Variants in DHRS7B observed in about 807,000 individuals in gnomAD.
DHRS7B encodes the protein peroxisomal reductase activating PPAR-gamma.
In DHRS7B, 24 loss-of-function variants were observed where a neutral mutation model predicts 26.4. The ratio of observed to expected loss-of-function variants is 0.91; its 90% CI spans 0.66 to 1.28. The LOEUF is 1.28. Among genes scored for constraint, DHRS7B ranks in the 50% most tolerant of loss-of-function variants. DHRS7B has a pLI of 0.00. For synonymous variants in DHRS7B, 142 were observed against 166.4 expected (o/e 0.85, Z 1.13); for missense variants, 368 against 419.4 (o/e 0.88, Z 1.07).
intron 1 of DHRS7B, among the ~76,000 whole-genome samples, chr17:21,159,992 G>C (rs1458697501): frequency 4.6e-5 from 7 of 152,040 alleles, no homozygotes; most frequent in Admixed American, 1.3e-4. Context: ...AGGCTGACGT[G>C]GTGGATCATT....
At chr17:21,148,269 A>G (rs1031923584) in intron 1 of DHRS7B, among the ~76,000 whole-genome samples, 1 of 152,126 alleles carries the variant, frequency 6.6e-6, no homozygotes, top group Non-Finnish European at 1.5e-5. Flanking sequence ...AGGAAACTCA[A>G]TGATCTCCAA....
chr17:21,174,932 G>C (rs908911074), intron 2 of DHRS7B, among the ~76,000 whole-genome samples: 3 of 152,194 alleles, frequency 2.0e-5, no homozygotes, highest in African/African-American at 7.2e-5. Flanking sequence ...AGCGCACCAG[G>C]GAGGCAGGGT....
intron 1 of DHRS7B, among the ~76,000 whole-genome samples, chr17:21,135,374 G>C (rs1375871444): frequency 6.6e-6 from 1 of 152,114 alleles, no homozygotes; most frequent in Non-Finnish European, 1.5e-5. Flanking sequence ...ATGTCTTAAA[G>C]GATTAATTAG....
intron 3 of DHRS7B, among the ~76,000 whole-genome samples, chr17:21,181,035 G>A (rs953951251): frequency 4.6e-5 from 7 of 152,272 alleles, no homozygotes; most frequent in East Asian, 1.9e-4. Context: ...GTTTGTCTTA[G>A]TCTGTTTTAT....
intron 1 of DHRS7B, among the ~76,000 whole-genome samples, chr17:21,171,073 C>T (rs946596181): frequency 6.6e-6 from 1 of 152,124 alleles, no homozygotes; most frequent in Admixed American, 6.5e-5. Context: ...GTCTCATAGA[C>T]TCTGGCTCGC....
chr17:21,187,934 C>T (rs1974683670), intron 5 of DHRS7B, among the ~76,000 whole-genome samples: 1 of 151,956 alleles, frequency 6.6e-6, no homozygotes, highest in Non-Finnish European at 1.5e-5. Flanking sequence ...CTGCAAGCTC[C>T]ACCTCCTGGG....
chr17:21,173,547 CAG>C (rs916550437), intron 2 of DHRS7B, among the ~76,000 whole-genome samples: 9 of 152,292 alleles, frequency 5.9e-5, no homozygotes, highest in African/African-American at 2.2e-4. Context: ...TGCATGAACA[CAG>C]AGAGGCAGGT....
At chr17:21,175,452 G>A (rs1470261854) in intron 2 of DHRS7B, among the ~76,000 whole-genome samples, 1 of 152,206 alleles carries the variant, frequency 6.6e-6, no homozygotes, top group Non-Finnish European at 1.5e-5. Context: ...GCCTGCAAAG[G>A]CCATTCCCTT....
At position 21,178,291 on chromosome 17, in the gene DHRS7B, T is replaced by G. The variant is rs755717279; in HGVS notation, c.258T>G (p.Gly86=). 4 of 1,614,184 alleles carry G rather than the reference T, an allele frequency of 2.5e-6. No individual in the cohort carries two copies. Among genetic ancestry groups the G allele is most frequent in the Non-Finnish European group, 3.4e-6 (4 of 1,180,034 alleles). ...GAKLVLCGRN[G]GALEELIREL... ...AACTGGTGCTCTGTGGCCGGAATGG[T>G]GGGGCCCTAGAAGAGCTCATCAGAG... The change falls in exon 3 of 7, where the codon GGT becomes GGG. Residue 86 remains glycine, a synonymous_variant. Transcript: ENST00000395511.
intron 1 of DHRS7B, among the ~76,000 whole-genome samples, chr17:21,141,904 TG>T (rs1973524369): frequency 6.6e-6 from 1 of 152,124 alleles, no homozygotes; most frequent in Non-Finnish European, 1.5e-5. Flanking sequence ...ATAGGAAATT[TG>T]TCAAAGGTCA....
At chr17:21,175,262 C>T (rs1213986121) in intron 2 of DHRS7B, among the ~76,000 whole-genome samples, 1 of 152,196 alleles carries the variant, frequency 6.6e-6, no homozygotes, top group East Asian at 1.9e-4. Context: ...CTTCTCCTCC[C>T]ATGTTTTGAA....
chr17:21,175,195 C>G (rs981075180), intron 2 of DHRS7B, among the ~76,000 whole-genome samples: 1 of 152,248 alleles, frequency 6.6e-6, no homozygotes, highest in African/African-American at 2.4e-5. Context: ...CACCATGAGA[C>G]AGACGTCAGG....
At chr17:21,148,974 C>G (rs1157878700) in intron 1 of DHRS7B, among the ~76,000 whole-genome samples, 1 of 152,014 alleles carries the variant, frequency 6.6e-6, no homozygotes, top group Non-Finnish European at 1.5e-5. Flanking sequence ...ACAGGAAAAT[C>G]AGAGAACATC....
intron 1 of DHRS7B, among the ~76,000 whole-genome samples, chr17:21,171,399 C>T (rs1198924327): frequency 1.3e-5 from 2 of 152,230 alleles, no homozygotes; most frequent in Non-Finnish European, 2.9e-5. Context: ...AGCACGCTCA[C>T]CGGCCGGAGC....
At position 21,183,613 on chromosome 17, in the gene DHRS7B, A is replaced by G. The variant is rs1352579654; in HGVS notation, c.329A>G (p.Tyr110Cys). The change falls in exon 4 of 7, where the codon TAC becomes TGC. Residue 110 changes from tyrosine to cysteine, a missense_variant. Tyr to Cys is a radical substitution (Grantham distance 194, BLOSUM62 -2). Coordinates refer to ENST00000395511, the MANE Select transcript of DHRS7B (RefSeq NM_015510.5). ...GACCAGGTGCAGACACACAAGCCTT[A>G]CTTGGTGACCTTCGACCTCACAGAC... ...HATKVQTHKP[Y>C]LVTFDLTDSG... 8 of 1,613,192 alleles carry G rather than the reference A, an allele frequency of 5.0e-6. No individual in the cohort carries two copies. The African/African-American group carries it at 1.1e-4, about 22-fold the overall frequency.
rs1010767905 is a variant in DHRS7B at position 21,134,025 on chromosome 17, G to GAA, written c.20+7043_20+7044dup. ...CAGTGACTCCAAATTAGGAAAAATG[G>GAA]AAAAAAAAAAGGAAAAAAACTGAAA... On this transcript the variant is annotated intron_variant, in intron 1 of 6. Transcript: ENST00000395511. Among the ~76,000 whole-genome samples, 216 of 144,110 alleles carry GAA rather than the reference G, an allele frequency of 1.5e-3. 4 individuals are homozygous for GAA. Among genetic ancestry groups the GAA allele is most frequent in the Admixed American group, 0.013 (186 of 14,446 alleles). 94.5% of individuals were successfully genotyped at this position (144,110 alleles called of 152,430 possible).
intron 1 of DHRS7B, 57 bp from the exon 2 acceptor site, chr17:21,171,961 A>C: frequency 5.0e-6 from 8 of 1,604,998 alleles, no homozygotes; most frequent in Non-Finnish European, 6.8e-6. Context: ...AGAGCCTAGG[A>C]AAGTCCCCTG....
chr17:21,169,121 T>A (rs1280323412), intron 1 of DHRS7B, among the ~76,000 whole-genome samples: 1 of 152,226 alleles, frequency 6.6e-6, no homozygotes, highest in Admixed American at 6.5e-5. Context: ...CCACATTTTC[T>A]AACACAAAAC....
chr17:21,170,715 T>G (rs1597749884), intron 1 of DHRS7B, among the ~76,000 whole-genome samples: 2 of 152,188 alleles, frequency 1.3e-5, no homozygotes, highest in East Asian at 3.8e-4. Context: ...GGGGGCAATT[T>G]AGCATAGATC....
Sources: allele counts gnomAD v4.1 joint callset (sites outside exome capture counted in the v4.1 genomes callset), GRCh38; gene constraint gnomAD v4.1.1; transcripts MANE v1.5; gene names NCBI Gene and HGNC (gene_info 2026-07-23, HGNC 2026-07-21).